Variants in CPVL observed in about 807,000 individuals in gnomAD.
CPVL encodes the protein probable serine carboxypeptidase CPVL.
A neutral mutation model predicts 63.7 loss-of-function variants in CPVL; 51 were observed. That is an observed-to-expected ratio of 0.80 (90% confidence interval 0.64 to 1.01). The LOEUF (loss-of-function observed/expected upper bound fraction) is 1.01. Among genes scored for constraint, CPVL ranks in the 50% least tolerant of loss-of-function variants. The probability of loss-of-function intolerance (pLI) is 0.00; values close to 1 mark genes in which losing one functional copy is unlikely to be tolerated. For synonymous variants in CPVL, 195 were observed against 206.0 expected (o/e 0.95, Z 0.46); for missense variants, 530 against 573.1 (o/e 0.92, Z 0.77).
chr7:29,177,285 A>C (rs926192383), intron 5 of CPVL, among the ~76,000 whole-genome samples: 1 of 150,632 alleles, frequency 6.6e-6, no homozygotes, highest in African/African-American at 2.5e-5. Context: ...ACAGAGTCTC[A>C]CTCTGTCATC....
At chr7:29,175,198 G>C (rs921238208) in intron 5 of CPVL, among the ~76,000 whole-genome samples, 8 of 149,726 alleles carry the variant, frequency 5.3e-5, no homozygotes, top group Non-Finnish European at 1.5e-5. Flanking sequence ...TTTTTGAGAC[G>C]GGGCCTCTCT....
rs1405374129 is a variant in CPVL, at chr7:29,092,645, C to T, written c.520G>A (p.Asp174Asn). 34 of 1,613,692 alleles carry T rather than the reference C, an allele frequency of 2.1e-5. No individual in the cohort carries two copies. The highest frequency in any genetic ancestry group is 1.3e-4 in the East Asian group (6 of 44,878). Residue 174 changes from aspartate to asparagine, a missense_variant, in exon 6 of 13, where the codon GAT (aspartate) becomes AAT (asparagine). Coordinates refer to ENST00000265394, the MANE Select transcript of CPVL (RefSeq NM_031311.5). The part of the protein sequence containing the change: ...DTHGYAVNED[D>N]VARDLYSALI... The stretch of plus-strand genomic sequence containing the variant: ...TACCTGTATAAATCCCGTGCTACAT[C>T]GTCCTCATTGACTGCATATCCGTGG...
At chr7:29,148,236 G>A (rs2128685714), upstream of CPVL, among the ~76,000 whole-genome samples, 1 of 152,322 alleles carries the variant, frequency 6.6e-6, no homozygotes, top group African/African-American at 2.4e-5. Context: ...TTGGGTCTAA[G>A]TATAAGGACA....
chr7:29,009,434 G>A (rs1785562981), intron 12 of CPVL: 1 of 152,034 alleles, frequency 6.6e-6, no homozygotes, highest in Admixed American at 6.6e-5. Flanking sequence ...GACACAAGGA[G>A]ATATGTGCAA....
chr7:29,163,395 A>G (rs1378467398), intron 5 of CPVL, among the ~76,000 whole-genome samples: 1 of 152,148 alleles, frequency 6.6e-6, no homozygotes, highest in Non-Finnish European at 1.5e-5. Flanking sequence ...ATGTTTAAAA[A>G]TGTGTCTTTT....
chr7:29,026,998 A>G (rs938536330), intron 12 of CPVL, among the ~76,000 whole-genome samples: 1 of 152,188 alleles, frequency 6.6e-6, no homozygotes, highest in Non-Finnish European at 1.5e-5. Context: ...CTACAAGGCT[A>G]TCATCCTGAT....
At chr7:29,125,373 T>C (rs1789885976) in intron 1 of CPVL, among the ~76,000 whole-genome samples, 1 of 149,308 alleles carries the variant, frequency 6.7e-6, no homozygotes, top group Admixed American at 6.8e-5. Flanking sequence ...TCTCATCTGC[T>C]TTCCACTCTC....
chr7:29,047,551 C>A (rs953804171), intron 11 of CPVL, among the ~76,000 whole-genome samples: 7 of 152,060 alleles, frequency 4.6e-5, no homozygotes, highest in Non-Finnish European at 1.0e-4. Flanking sequence ...TGTTGAATGA[C>A]CAAACCTAAG....
intron 5 of CPVL, among the ~76,000 whole-genome samples, chr7:29,093,185 A>C (rs1046381607): frequency 1.3e-5 from 2 of 151,914 alleles, no homozygotes; most frequent in African/African-American, 4.8e-5. Context: ...CAGGAGTTTG[A>C]GACCAGCCTG....
chr7:29,019,608 G>C (rs531962400), intron 12 of CPVL, among the ~76,000 whole-genome samples: 1 of 152,326 alleles, frequency 6.6e-6, no homozygotes, highest in Admixed American at 6.5e-5. Flanking sequence ...CAGAGAATGA[G>C]GTTGCTTTTT....
intron 3 of CPVL, among the ~76,000 whole-genome samples, chr7:29,099,727 TAA>T (rs1786883441): frequency 6.6e-6 from 1 of 152,074 alleles, no homozygotes; most frequent in Non-Finnish European, 1.5e-5. Flanking sequence ...ATAATAATAA[TAA>T]GTCAAAGCAG....
At chr7:29,089,606 G>A (rs150739924) in intron 6 of CPVL, among the ~76,000 whole-genome samples, 139 of 152,218 alleles carry the variant, frequency 9.1e-4, no homozygotes, top group Non-Finnish European at 1.4e-3. Flanking sequence ...CATTGTGATG[G>A]CAACACCCAG....
At chr7:29,051,813 C>T (rs1285551806) in intron 11 of CPVL, among the ~76,000 whole-genome samples, 3 of 151,812 alleles carry the variant, frequency 2.0e-5, no homozygotes, top group Admixed American at 6.6e-5. Flanking sequence ...CAGCACAACT[C>T]GCAACTGCAA....
At chr7:29,108,918 T>C (rs1787988265) in intron 3 of CPVL, among the ~76,000 whole-genome samples, 1 of 152,208 alleles carries the variant, frequency 6.6e-6, no homozygotes, top group South Asian at 2.1e-4. Flanking sequence ...ATCTAACACA[T>C]GACGGCCAAG....
chr7:29,123,628 A>AAAAATATAT (rs1562780901), intron 1 of CPVL, among the ~76,000 whole-genome samples: 3 of 41,758 alleles, frequency 7.2e-5, no homozygotes, highest in Non-Finnish European at 1.2e-4. Context: ...AAAAAAAAAA[A>AAAAATATAT]ATATATATAT....
At chr7:29,112,150 A>G (rs944539768) in intron 3 of CPVL, among the ~76,000 whole-genome samples, 2 of 152,094 alleles carry the variant, frequency 1.3e-5, no homozygotes, top group Non-Finnish European at 2.9e-5. Flanking sequence ...AATCCTCCCA[A>G]TCTTCTAAAG....
At chr7:29,189,243 C>A (rs940110516) in intron 1 of CPVL, among the ~76,000 whole-genome samples, 1 of 152,100 alleles carries the variant, frequency 6.6e-6, no homozygotes, top group Non-Finnish European at 1.5e-5. Context: ...TGAGCCACCG[C>A]GCCCAGCCAG....
chr7:29,095,886 C>T (rs1584249113), intron 4 of CPVL, among the ~76,000 whole-genome samples: 1 of 152,188 alleles, frequency 6.6e-6, no homozygotes, highest in East Asian at 1.9e-4. Context: ...CGGATTAGAA[C>T]TTTTCACCCA....
intron 1 of CPVL, chr7:29,193,010 C>A (rs1783093105): frequency 6.6e-6 from 1 of 152,180 alleles, no homozygotes; most frequent in African/African-American, 2.4e-5. Flanking sequence ...CCTGAAGGCT[C>A]CAGATTAGGA....
Sources: gnomAD v4.1 joint callset for allele counts (sites outside exome capture counted in the v4.1 genomes callset) on GRCh38, gnomAD v4.1.1 for gene constraint, MANE v1.5 for transcripts, NCBI Gene and HGNC (gene_info 2026-07-23, HGNC 2026-07-21) for gene names.